The following KDM4C variants were observed in gnomAD, a reference collection of about 807,000 sequenced individuals.
KDM4C encodes lysine-specific demethylase 4C.
In KDM4C, 81 loss-of-function variants were observed where a neutral mutation model predicts 129.3. The observed-to-expected ratio is 0.63, with a 90% confidence interval of 0.52 to 0.75. The LOEUF (loss-of-function observed/expected upper bound fraction) is 0.75. KDM4C is among the 30% of genes least tolerant of loss of function. The pLI is 0.00. For synonymous variants in KDM4C, 573 were observed against 456.1 expected (o/e 1.26, Z -3.26); for missense variants, 1,457 against 1,304.0 (o/e 1.12, Z -1.81).
chr9:7,006,047 G>A (rs969069373), intron 12 of KDM4C, among the ~76,000 whole-genome samples: 1 of 152,198 alleles, frequency 6.6e-6, no homozygotes, highest in Non-Finnish European at 1.5e-5. Context: ...ACAAATTAAT[G>A]TGTATAAAAA....
chr9:6,861,120 T>G (rs1220315726), intron 5 of KDM4C, among the ~76,000 whole-genome samples: 1 of 152,226 alleles, frequency 6.6e-6, no homozygotes, highest in Non-Finnish European at 1.5e-5. Flanking sequence ...ATTTGTAAGT[T>G]TTTTTGGTCA....
intron 4 of KDM4C, chr9:6,835,036 C>T (rs140602362): frequency 6.8e-5 from 64 of 941,082 alleles, no homozygotes; most frequent in Admixed American, 2.0e-4. Context: ...CCTTACCGAG[C>T]GTGGCTACAG....
intron 1 of KDM4C, chr9:6,721,133 G>A (rs1248891218): frequency 4.2e-6 from 3 of 721,208 alleles, no homozygotes; most frequent in Admixed American, 2.3e-5. Flanking sequence ...GAGGGCAGTG[G>A]TGCAATCACA....
At chr9:6,893,957 C>T (rs1003611414) in intron 8 of KDM4C, among the ~76,000 whole-genome samples, 1 of 152,148 alleles carries the variant, frequency 6.6e-6, no homozygotes, top group African/African-American at 2.4e-5. Flanking sequence ...GGGAAAGGTG[C>T]AGGCTGGCAG....
At chr9:7,152,161 A>C (rs1174308888) in intron 19 of KDM4C, among the ~76,000 whole-genome samples, 2 of 152,250 alleles carry the variant, frequency 1.3e-5, no homozygotes, top group Non-Finnish European at 2.9e-5. Flanking sequence ...AATAGTTTAT[A>C]TGCCTTTTTA....
chr9:7,066,139 T>C (rs1334755404), intron 17 of KDM4C, among the ~76,000 whole-genome samples: 1 of 152,246 alleles, frequency 6.6e-6, no homozygotes, highest in Non-Finnish European at 1.5e-5. Context: ...AGAAAAATTA[T>C]AGAATAAAGG....
At chr9:6,868,163 G>A (rs1842336803) in intron 5 of KDM4C, among the ~76,000 whole-genome samples, 1 of 152,030 alleles carries the variant, frequency 6.6e-6, no homozygotes, top group Non-Finnish European at 1.5e-5. Flanking sequence ...GAAGACACCA[G>A]ATAAAAAGCC....
Position 7,005,360 on chromosome 9 carries a change from A to G in KDM4C, c.1787-6338A>G, listed in dbSNP as rs1027178723. ...TGAGGCAGGAGAATCGCTTGAACCCAGGAGGCGGAGGTTTCAGTGAGTCGA... is the reference window on the plus strand; with the variant it reads ...TGAGGCAGGAGAATCGCTTGAACCCGGGAGGCGGAGGTTTCAGTGAGTCGA... On this transcript the variant is annotated intron_variant, in intron 12 of 21. Coordinates refer to ENST00000381309, the MANE Select transcript of KDM4C (RefSeq NM_015061.6). Among the ~76,000 whole-genome samples the G allele has an allele frequency of 9.6e-4, 143 of 148,848 alleles. 2 individuals are homozygous for G. The highest frequency in any genetic ancestry group is 2.7e-4 in the Non-Finnish European group (18 of 67,432).
chr9:6,770,693 TTGA>T (rs924632201), intron 1 of KDM4C, among the ~76,000 whole-genome samples: 3 of 150,332 alleles, frequency 2.0e-5, no homozygotes, highest in African/African-American at 4.9e-5. Flanking sequence ...ATTATTGTGT[TTGA>T]TGTTTTTCAA....
At chr9:6,880,772 G>GC (rs778769541) in intron 6 of KDM4C, among the ~76,000 whole-genome samples, 2 of 152,198 alleles carry the variant, frequency 1.3e-5, no homozygotes, top group Non-Finnish European at 2.9e-5. Flanking sequence ...GCCAATGCAA[G>GC]CAGCCACCTT....
intron 8 of KDM4C, among the ~76,000 whole-genome samples, chr9:6,979,724 C>G (rs146001150): frequency 6.6e-6 from 1 of 152,048 alleles, no homozygotes. Context: ...CCTTGTTATG[C>G]TAGGATTCAA....
chr9:6,753,471 G>C (rs948741323), upstream of KDM4C, among the ~76,000 whole-genome samples: 1 of 152,092 alleles, frequency 6.6e-6, no homozygotes, highest in Non-Finnish European at 1.5e-5. Flanking sequence ...ATGGGGTCTC[G>C]CTATGTTGCC....
In KDM4C at chr9:6,960,228, G is replaced by A. The variant is rs144742099; in HGVS notation, c.922-20697G>A. On this transcript the variant is annotated intron_variant, in intron 8 of 21. Coordinates refer to ENST00000381309, the MANE Select transcript of KDM4C (RefSeq NM_015061.6). ...TGCATATACTGTTTCATTCCACAAAGACTGTGAAGCAGTTGAAAGAAGGAT... is the reference window on the plus strand; with the variant it reads ...TGCATATACTGTTTCATTCCACAAAAACTGTGAAGCAGTTGAAAGAAGGAT... 3.2e-3 allele frequency among the ~76,000 whole-genome samples: 489 copies of A among 151,806 alleles called. 2 individuals are homozygous for A. Among genetic ancestry groups the A allele is most frequent in the African/African-American group, 0.011 (436 of 41,376 alleles).
intron 3 of KDM4C, among the ~76,000 whole-genome samples, chr9:6,806,495 GA>G (rs943385502): frequency 3.8e-5 from 5 of 132,234 alleles, no homozygotes; most frequent in African/African-American, 1.4e-4. Flanking sequence ...ACTCCGTCTC[GA>G]AAAAATAAAT....
chr9:7,059,491 G>A (rs1204040760), intron 17 of KDM4C, among the ~76,000 whole-genome samples: 1 of 152,110 alleles, frequency 6.6e-6, no homozygotes, highest in Non-Finnish European at 1.5e-5. Context: ...ATAGACTAGT[G>A]GATTTTAAGC....
chr9:7,037,144 C>T (rs979812328), intron 15 of KDM4C, among the ~76,000 whole-genome samples: 3 of 152,142 alleles, frequency 2.0e-5, no homozygotes, highest in Middle Eastern at 3.2e-3. Context: ...TGATTAATTA[C>T]TCTTTGTTTT....
chr9:6,960,492 C>G (rs1294569946), intron 8 of KDM4C, among the ~76,000 whole-genome samples: 1 of 151,946 alleles, frequency 6.6e-6, no homozygotes, highest in East Asian at 1.9e-4. Flanking sequence ...CTCCTGGGCT[C>G]AAGCAGTCCT....
chr9:6,924,326 T>C (rs1193638682), intron 8 of KDM4C, among the ~76,000 whole-genome samples: 3 of 152,324 alleles, frequency 2.0e-5, no homozygotes, highest in Middle Eastern at 3.4e-3. Flanking sequence ...CCTAGTCTCT[T>C]ACCTGTCTGC....
chr9:7,172,213 G>A (rs1162637029), intron 21 of KDM4C, among the ~76,000 whole-genome samples: 1 of 152,158 alleles, frequency 6.6e-6, no homozygotes, highest in Non-Finnish European at 1.5e-5. Flanking sequence ...GTATTTTAAT[G>A]ACTTCGGCTC....
Sources: allele counts gnomAD v4.1 joint callset (sites outside exome capture counted in the v4.1 genomes callset), GRCh38; gene constraint gnomAD v4.1.1; transcripts MANE v1.5; gene names NCBI Gene and HGNC (gene_info 2026-07-23, HGNC 2026-07-21).